The following MSN variants were observed in gnomAD, a reference collection of about 807,000 sequenced individuals.
MSN encodes epididymis luminal protein 70.
In MSN, 2 loss-of-function variants were observed where a neutral mutation model predicts 48.0. The observed-to-expected ratio is 0.04, with a 90% CI of 0.02 to 0.13. The LOEUF (loss-of-function observed/expected upper bound fraction) is 0.13. MSN is among the 10% of genes least tolerant of loss of function. The pLI is 1.00. For synonymous variants in MSN, 146 were observed against 166.9 expected (o/e 0.87, Z 0.97); for missense variants, 267 against 470.1 (o/e 0.57, Z 3.99).
intron 1 of MSN, among the ~76,000 whole-genome samples, chrX:65,704,853 T>G (rs1449398992): frequency 1.9e-5 from 2 of 106,169 alleles, no homozygotes; most frequent in African/African-American, 6.9e-5. Context: ...CACTGCAATC[T>G]CCGCTTCCCG....
intron 1 of MSN, among the ~76,000 whole-genome samples, chrX:65,680,321 A>G (rs948982172): frequency 3.9e-4 from 44 of 111,902 alleles, no homozygotes; most frequent in African/African-American, 1.4e-3. Flanking sequence ...TGGTGGTGCA[A>G]TCATAGTGTA....
At chrX:65,674,885 G>A (rs1448755859) in intron 1 of MSN, among the ~76,000 whole-genome samples, 2 of 111,650 alleles carry the variant, frequency 1.8e-5, no homozygotes, top group Admixed American at 9.5e-5. Flanking sequence ...CTAGCTCTGC[G>A]ACCAACTAGT....
At chrX:65,611,430 G>A (rs1019291720) in intron 1 of MSN, among the ~76,000 whole-genome samples, 2 of 111,433 alleles carry the variant, frequency 1.8e-5, no homozygotes, top group African/African-American at 3.3e-5. Flanking sequence ...AAAGTGCGGG[G>A]ATTACAGGTG....
chrX:65,656,037 G>A (rs925520898), intron 1 of MSN, among the ~76,000 whole-genome samples: 1 of 112,254 alleles, frequency 8.9e-6, no homozygotes, highest in African/African-American at 3.2e-5. Flanking sequence ...AAAGTTCAGG[G>A]ATTACAGGCA....
At chrX:65,662,801 T>G (rs1458370760), upstream of MSN, among the ~76,000 whole-genome samples, 2 of 112,133 alleles carry the variant, frequency 1.8e-5, no homozygotes, top group African/African-American at 6.5e-5. Flanking sequence ...CTAATTAAAC[T>G]AAAGAGTTTC....
chrX:65,615,427 G>C (rs1209408562), intron 1 of MSN, among the ~76,000 whole-genome samples: 52 of 110,285 alleles, frequency 4.7e-4, no homozygotes, highest in African/African-American at 1.7e-3. Flanking sequence ...TCTCATTGTG[G>C]TTTTGATTTG....
rs2071727219 is a variant in MSN, at chrX:65,740,612, G to T, written c.*719G>T. On this transcript the variant is annotated 3_prime_UTR_variant, in exon 13 of 13. Coordinates refer to ENST00000360270, the MANE Select transcript of MSN (RefSeq NM_002444.3). ...GAAGGGCATTGGCCATTCTATTGTG[G>T]CAAGGCTGAGTAGAAGATCCTACCC... 2 of 173,773 alleles carry T rather than the reference G, an allele frequency of 1.2e-5. No homozygotes were observed. Among genetic ancestry groups the T allele is most frequent in the Non-Finnish European group, 2.2e-5 (2 of 90,561 alleles). The allele number at this position is 173,773 out of a possible 1,213,427, so 14.3% of individuals were successfully genotyped here.
In MSN at chrX:65,697,622, G is replaced by C. The variant is rs768143595; in HGVS notation, c.13-19196G>C. On this transcript the variant is annotated intron_variant, in intron 1 of 12. Transcript: ENST00000360270. ...GGCACATTTAAATCAGGGTGCTTTAGCAGAAATACCAATGCTGGCATCTAA... is the reference window on the plus strand; with the variant it reads ...GGCACATTTAAATCAGGGTGCTTTACCAGAAATACCAATGCTGGCATCTAA... Among the ~76,000 whole-genome samples, 20 of 112,006 alleles carry C rather than the reference G, an allele frequency of 1.8e-4. 1 individual carries two copies. The Admixed American group carries it at 1.9e-3, about 11-fold the overall frequency.
chrX:65,664,059 C>CAA (rs773139397), upstream of MSN, among the ~76,000 whole-genome samples: 514 of 40,346 alleles, frequency 0.013, 15 homozygotes, highest in African/African-American at 0.042. Flanking sequence ...GACTCCATCT[C>CAA]AAAAAAAAAA....
chrX:65,714,919 T>C (rs1345910488), intron 1 of MSN, among the ~76,000 whole-genome samples: 1 of 112,113 alleles, frequency 8.9e-6, no homozygotes, highest in Non-Finnish European at 1.9e-5. Flanking sequence ...GTAGGTTTTC[T>C]TTGAGGGTTT....
intron 1 of MSN, among the ~76,000 whole-genome samples, chrX:65,639,117 G>A (rs1204066536): frequency 8.9e-6 from 1 of 112,066 alleles, no homozygotes; most frequent in Non-Finnish European, 1.9e-5. Context: ...AGAATCAATA[G>A]AGGTCCAGAA....
intron 2 of MSN, among the ~76,000 whole-genome samples, chrX:65,722,965 GT>G (rs1015049946): frequency 3.6e-5 from 4 of 109,868 alleles, no homozygotes; most frequent in South Asian, 3.9e-4. Flanking sequence ...GAGGTAAAGG[GT>G]TTTTTTTTCT....
chrX:65,651,252 C>G, intron 1 of MSN, among the ~76,000 whole-genome samples: 1 of 106,156 alleles, frequency 9.4e-6, no homozygotes, highest in East Asian at 2.9e-4. Flanking sequence ...GAAACCCTGT[C>G]TCTACCAAAA....
At chrX:65,711,271 G>C (rs2147494627) in intron 1 of MSN, among the ~76,000 whole-genome samples, 1 of 111,490 alleles carries the variant, frequency 9.0e-6, no homozygotes, top group African/African-American at 3.3e-5. Context: ...ATGTTGGTCA[G>C]CTGGTCTTGA....
At chrX:65,714,409 G>A (rs187676061) in intron 1 of MSN, among the ~76,000 whole-genome samples, 218 of 111,675 alleles carry the variant, frequency 2.0e-3, no homozygotes, top group African/African-American at 6.6e-3. Context: ...TTCTACCATG[G>A]TTGAACTAAT....
At position 65,732,205 on chromosome X, in the gene MSN, A is replaced by G. The variant is rs1210529933; in HGVS notation, c.698+221A>G. ...TGGTAGCCACCAGCCACATGGGGCTATTGAACACTTGAAATGTGGCTACTT... is the reference window on the plus strand; with the variant it reads ...TGGTAGCCACCAGCCACATGGGGCTGTTGAACACTTGAAATGTGGCTACTT... On this transcript the variant is annotated intron_variant, in intron 6 of 12. Coordinates refer to ENST00000360270, the MANE Select transcript of MSN (RefSeq NM_002444.3). 3.6e-4 allele frequency among the ~76,000 whole-genome samples: 40 copies of G among 111,946 alleles called. 1 individual carries two copies. The highest frequency in any genetic ancestry group is 1.1e-4 in the Non-Finnish European group (6 of 53,226).
At chrX:65,634,427 A>G (rs2070582852) in intron 1 of MSN, among the ~76,000 whole-genome samples, 1 of 111,777 alleles carries the variant, frequency 8.9e-6, no homozygotes. Flanking sequence ...AGCCTGGCCA[A>G]CATGGTGAAA....
At chrX:65,676,805 C>T (rs911684025) in intron 1 of MSN, among the ~76,000 whole-genome samples, 2 of 110,318 alleles carry the variant, frequency 1.8e-5, no homozygotes, top group African/African-American at 6.6e-5. Context: ...CCCTCCAACC[C>T]ATGATCCATT....
intron 9 of MSN, 116 bp downstream of exon 9, chrX:65,737,041 G>T: frequency 8.9e-7 from 1 of 1,126,143 alleles, no homozygotes; most frequent in Non-Finnish European, 1.2e-6. Flanking sequence ...CTACAGACTA[G>T]AAGAAGAATG....
Sources: allele counts gnomAD v4.1 joint callset (sites outside exome capture counted in the v4.1 genomes callset), GRCh38; gene constraint gnomAD v4.1.1; transcripts MANE v1.5; gene names NCBI Gene and HGNC (gene_info 2026-07-23, HGNC 2026-07-21).